CEP128: variants seen among roughly 807,000 people sequenced by gnomAD.
CEP128 encodes centrosomal protein 128.
A neutral mutation model predicts 156.7 loss-of-function variants in CEP128; 132 were observed. That is an observed-to-expected ratio of 0.84 (90% confidence interval 0.73 to 0.97). CEP128 has a LOEUF of 0.97. Among genes scored for constraint, CEP128 ranks in the 50% least tolerant of loss-of-function variants. The probability of loss-of-function intolerance (pLI) is 0.00; values close to 1 mark genes in which losing one functional copy is unlikely to be tolerated. For synonymous variants in CEP128, 469 were observed against 448.9 expected, an observed-to-expected ratio of 1.04 and a Z score of -0.57; for missense variants, 1,252 against 1,281.9, an observed-to-expected ratio of 0.98 and a Z score of 0.36.
downstream of CEP128, among the ~76,000 whole-genome samples, chr14:80,488,425 C>T (rs1363452630): frequency 4.0e-5 from 6 of 150,748 alleles, no homozygotes; most frequent in Non-Finnish European, 8.9e-5. Flanking sequence ...AAATCAAAAC[C>T]ACAATGAGAT....
chr14:80,477,754 T>G (rs545409284), exon 15 of CEP128: 1 of 152,340 alleles, frequency 6.6e-6, no homozygotes, highest in South Asian at 2.1e-4. Flanking sequence ...CTGTTAATGA[T>G]AGCGTGCTTA....
chr14:80,777,906 A>T lies in CEP128; in HGVS notation c.2352T>A (p.Cys784Ter). ...ENKKLKLKYQCLKDQLEEREK... is the reference protein window; with the variant it reads ...ENKKLKLKYQ ...CCCTTTCTTCTAGTTGATCCTTCAA[A>T]CATTGATATTTTAGCTTCAGTTTTT... Residue 784 changes from cysteine (C) to a stop codon, truncating the protein, a stop_gained, in exon 16 of 25, where the codon TGT (cysteine) becomes TGA (stop). Coordinates refer to ENST00000555265, the MANE Select transcript of CEP128 (RefSeq NM_152446.5). LOFTEE classifies it high-confidence loss of function. 6.2e-7 allele frequency: 1 copy of T among 1,609,556 alleles called. No individual in the cohort carries two copies.
intron 21 of CEP128, among the ~76,000 whole-genome samples, chr14:80,550,803 T>C (rs1368587339): frequency 7.9e-6 from 1 of 126,662 alleles, no homozygotes; most frequent in Non-Finnish European, 1.6e-5. Context: ...GATTATTAAA[T>C]GTGAAATGTA....
At chr14:80,933,027 A>T (rs1007056229) in intron 2 of CEP128, among the ~76,000 whole-genome samples, 1 of 152,128 alleles carries the variant, frequency 6.6e-6, no homozygotes, top group Non-Finnish European at 1.5e-5. Flanking sequence ...ACTCAACTCC[A>T]TCAAGTTTCA....
At chr14:80,888,275 T>C (rs902827839) in intron 8 of CEP128, among the ~76,000 whole-genome samples, 4 of 152,182 alleles carry the variant, frequency 2.6e-5, no homozygotes, top group African/African-American at 7.2e-5. Context: ...TCCTAACTCA[T>C]TTTATGAGGC....
rs370524633 is a variant in CEP128, at chr14:80,539,400, G to A, written c.2881-8514C>T. 2.4e-4 allele frequency among the ~76,000 whole-genome samples: 36 copies of A among 152,276 alleles called. No individual in the cohort carries two copies. The East Asian group carries it at 3.5e-3, about 15-fold the overall frequency. ...GTCAGGGACCTCGAACAGAGGGACC[G>A]GCTGGAGCCGCGGCAGAGGAGCATA... On this transcript the variant is annotated intron_variant, in intron 21 of 24. Transcript: ENST00000555265.
At chr14:80,601,658 C>T (rs1382807399) in intron 19 of CEP128, among the ~76,000 whole-genome samples, 1 of 152,072 alleles carries the variant, frequency 6.6e-6, no homozygotes, top group Non-Finnish European at 1.5e-5. Context: ...TACTGTACAG[C>T]ATGTTACTAT....
intron 24 of CEP128, among the ~76,000 whole-genome samples, chr14:80,504,463 T>C (rs1276812552): frequency 6.6e-6 from 1 of 152,232 alleles, no homozygotes; most frequent in Non-Finnish European, 1.5e-5. Context: ...TTGTTGATAT[T>C]GATGATGACA....
intron 16 of CEP128, among the ~76,000 whole-genome samples, chr14:80,770,916 T>C (rs1976104): frequency 0.14 from 21,183 of 152,218 alleles, 1,839 homozygotes; most frequent in Admixed American, 0.22. Flanking sequence ...AAATTCTGCC[T>C]GCTACCATCA....
At chr14:80,576,572 T>A (rs980864909) in intron 20 of CEP128, among the ~76,000 whole-genome samples, 2 of 152,070 alleles carry the variant, frequency 1.3e-5, no homozygotes, top group African/African-American at 2.4e-5. Context: ...CCACCCCCCC[T>A]GCCGTTTTAT....
At chr14:80,581,116 C>A (rs928058563) in intron 19 of CEP128, among the ~76,000 whole-genome samples, 1 of 152,166 alleles carries the variant, frequency 6.6e-6, no homozygotes, top group Non-Finnish European at 1.5e-5. Flanking sequence ...CAGTGCCCTA[C>A]ATTAATTTAT....
chr14:80,589,523 A>T (rs1891957510), intron 19 of CEP128, among the ~76,000 whole-genome samples: 1 of 152,108 alleles, frequency 6.6e-6, no homozygotes, highest in African/African-American at 2.4e-5. Context: ...TCATGGCAAA[A>T]CTTGAATGTA....
chr14:80,625,888 CT>C (rs1291824485), intron 19 of CEP128, among the ~76,000 whole-genome samples: 1 of 148,348 alleles, frequency 6.7e-6, no homozygotes, highest in Non-Finnish European at 1.5e-5. Flanking sequence ...CTTTTTGTTA[CT>C]CTTGTACAGA....
chr14:80,948,041 C>T (rs898408225), intron 2 of CEP128, among the ~76,000 whole-genome samples: 7 of 151,720 alleles, frequency 4.6e-5, no homozygotes, highest in African/African-American at 1.7e-4. Context: ...AGTCATAAGA[C>T]AGAAGACACC....
chr14:80,874,367 C>T (rs1283960122), intron 8 of CEP128, among the ~76,000 whole-genome samples: 2 of 151,606 alleles, frequency 1.3e-5, no homozygotes, highest in Non-Finnish European at 2.9e-5. Flanking sequence ...AGGAGGCTGA[C>T]GCAGGAGAAT....
intron 18 of CEP128, among the ~76,000 whole-genome samples, chr14:80,748,715 T>C (rs1373677679): frequency 1.3e-5 from 2 of 152,132 alleles, no homozygotes; most frequent in African/African-American, 4.8e-5. Flanking sequence ...CTGTGTACTC[T>C]CAGCTGAGGT....
intron 12 of CEP128, among the ~76,000 whole-genome samples, chr14:80,833,065 C>T (rs1238445362): frequency 6.6e-6 from 1 of 152,074 alleles, no homozygotes; most frequent in East Asian, 1.9e-4. Context: ...CTGGATTTGG[C>T]CCATGAGCCC....
At chr14:80,662,117 A>G (rs1045494241) in intron 19 of CEP128, among the ~76,000 whole-genome samples, 1 of 152,198 alleles carries the variant, frequency 6.6e-6, no homozygotes, top group Non-Finnish European at 1.5e-5. Context: ...GAAAATTTCA[A>G]ATGACCCTGT....
chr14:80,740,449 T>C (rs866598247), intron 19 of CEP128, among the ~76,000 whole-genome samples: 10 of 146,090 alleles, frequency 6.8e-5, no homozygotes, highest in Non-Finnish European at 1.4e-4. Context: ...TATATACACA[T>C]ACACACACAC....
Sources: gnomAD v4.1 joint callset for allele counts (sites outside exome capture counted in the v4.1 genomes callset) on GRCh38, gnomAD v4.1.1 for gene constraint, MANE v1.5 for transcripts, NCBI Gene and HGNC (gene_info 2026-07-23, HGNC 2026-07-21) for gene names.